AGR3: variants seen among roughly 807,000 people sequenced by gnomAD.
AGR3 encodes the protein anterior gradient protein 3.
A neutral mutation model predicts 24.5 loss-of-function variants in AGR3; 37 were observed. The ratio of observed to expected loss-of-function variants is 1.51; its 90% CI spans 1.16 to 1.99. AGR3 has a LOEUF of 1.99. AGR3 is among the 30% of genes most tolerant of loss of function. The probability of loss-of-function intolerance (pLI) is 0.00; values close to 1 mark genes in which losing one functional copy is unlikely to be tolerated. For missense variants in AGR3, 228 were observed against 191.1 expected (o/e 1.19, Z -1.14); for synonymous variants, 75 against 61.6 (o/e 1.22, Z -1.02).
chr7:16,864,009 C>T lies in AGR3; in HGVS notation c.174-1347G>A, dbSNP rs138944968. Among the ~76,000 whole-genome samples the T allele has an allele frequency of 2.0e-5, 3 of 152,308 alleles. No individual in the cohort carries two copies. The East Asian group carries it at 5.8e-4, about 29-fold the overall frequency. On this transcript the variant is annotated intron_variant, in intron 3 of 7. Coordinates refer to ENST00000310398, the MANE Select transcript of AGR3 (RefSeq NM_176813.5). ...ATAATGTTCAAACACACTTTATACA[C>T]ACTGACCTCTCCTTAAACCACTCAT...
chr7:16,877,286 TTATATATAATATATAG>T (rs1782002790), intron 2 of AGR3, among the ~76,000 whole-genome samples: 1 of 122,604 alleles, frequency 8.2e-6, no homozygotes, highest in Non-Finnish European at 1.9e-5. Flanking sequence ...ATGATATATA[TTATATATAATATATAG>T]TATATATAAT....
downstream of AGR3, among the ~76,000 whole-genome samples, chr7:16,857,625 G>A (rs919124101): frequency 6.6e-6 from 1 of 152,028 alleles, no homozygotes; most frequent in Admixed American, 6.5e-5. Context: ...AAAAGCTCTA[G>A]ACTTTTATCT....
chr7:16,864,559 A>G (rs1243845896), intron 3 of AGR3: 6 of 1,409,128 alleles, frequency 4.3e-6, no homozygotes, highest in African/African-American at 1.4e-5. Flanking sequence ...GAGCCTTCCA[A>G]TATCTTGGAT....
intron 3 of AGR3, chr7:16,873,279 C>G (rs1018245252): frequency 6.6e-6 from 1 of 152,620 alleles, no homozygotes; most frequent in Non-Finnish European, 1.5e-5. Flanking sequence ...TAATGAAATG[C>G]TCTCATTCAC....
chr7:16,873,411 G>C (rs1465048619), intron 3 of AGR3: 1 of 170,786 alleles, frequency 5.9e-6, no homozygotes, highest in African/African-American at 2.4e-5. Flanking sequence ...TAGAAGTAGA[G>C]AGTAGAACTC....
intron 3 of AGR3, among the ~76,000 whole-genome samples, chr7:16,870,248 A>AAT (rs1336244121): frequency 1.3e-5 from 2 of 151,942 alleles, no homozygotes; most frequent in Non-Finnish European, 2.9e-5. Flanking sequence ...TCAATTTTTA[A>AAT]ATATCAATTT....
At chr7:16,870,516 TG>T (rs2115308625) in intron 3 of AGR3, among the ~76,000 whole-genome samples, 2 of 152,204 alleles carry the variant, frequency 1.3e-5, no homozygotes, top group South Asian at 4.2e-4. Context: ...GTTGGTTTTT[TG>T]TTGTTGTTGC....
At chr7:16,861,643 G>A (rs965904755) in intron 5 of AGR3, among the ~76,000 whole-genome samples, 196 bp from the exon 6 acceptor site, 14 of 152,190 alleles carry the variant, frequency 9.2e-5, no homozygotes, top group South Asian at 2.1e-4. Context: ...GCTCATGCCT[G>A]TAATCCCAGC....
At chr7:16,867,129 T>A (rs1444434804) in intron 3 of AGR3, among the ~76,000 whole-genome samples, 1 of 152,164 alleles carries the variant, frequency 6.6e-6, no homozygotes, top group East Asian at 1.9e-4. Context: ...GAAATAAAAT[T>A]TTGCAGTGGT....
At chr7:16,865,754 T>G in intron 3 of AGR3, 1 of 754,738 alleles carries the variant, frequency 1.3e-6, no homozygotes, top group South Asian at 1.4e-5. Context: ...GGGAAACATA[T>G]GGAAGCTTGA....
chr7:16,866,459 A>G (rs758454666), intron 3 of AGR3, among the ~76,000 whole-genome samples: 1 of 152,166 alleles, frequency 6.6e-6, no homozygotes, highest in Non-Finnish European at 1.5e-5. Flanking sequence ...GATTTTGCAC[A>G]TAGGTGGGTA....
chr7:16,873,404 A>C (rs935681221), intron 3 of AGR3: 3 of 165,088 alleles, frequency 1.8e-5, no homozygotes, highest in Non-Finnish European at 2.6e-5. Flanking sequence ...GTACTAATAG[A>C]AGTAGAGAGT....
At chr7:16,867,178 AT>A (rs1781774573) in intron 3 of AGR3, among the ~76,000 whole-genome samples, 1 of 152,136 alleles carries the variant, frequency 6.6e-6, no homozygotes, top group African/African-American at 2.4e-5. Context: ...TCATAATTAT[AT>A]CTTTCTAATT....
intron 3 of AGR3, chr7:16,865,616 T>C (rs1224850392): frequency 1.3e-6 from 1 of 743,718 alleles, no homozygotes; most frequent in African/African-American, 1.7e-5. Flanking sequence ...CCCTATAAAC[T>C]GGTTAGGTAA....
chr7:16,876,894 G>C (rs1781995282), intron 2 of AGR3, among the ~76,000 whole-genome samples: 1 of 152,286 alleles, frequency 6.6e-6, no homozygotes, highest in African/African-American at 2.4e-5. Context: ...GCTTAATGCA[G>C]ACATGGAAAA....
At chr7:16,873,995 A>G (rs975095652) in intron 2 of AGR3, 152 bp from the exon 3 acceptor site, 1 of 637,884 alleles carries the variant, frequency 1.6e-6, no homozygotes. Context: ...CAATTTTCAC[A>G]AGATATGGAG....
chr7:16,878,711 G>C, intron 1 of AGR3, 66 bp from the exon 2 acceptor site: 1 of 1,253,632 alleles, frequency 8.0e-7, no homozygotes, highest in Non-Finnish European at 1.1e-6. Context: ...GAAGATATTT[G>C]CTAAGAGTTG....
chr7:16,864,096 A>G (rs905928861), intron 3 of AGR3, among the ~76,000 whole-genome samples: 17 of 152,192 alleles, frequency 1.1e-4, no homozygotes, highest in African/African-American at 2.9e-4. Flanking sequence ...TCTTCTATTT[A>G]CTTCAAGGTG....
Position 16,871,960 on chromosome 7 carries a change from C to T in AGR3, c.173+1820G>A, listed in dbSNP as rs115886932. Reference sequence around the variant, plus strand: ...TTGATGAAAGAAATTGAAGAGAACACCAAAAAATGGAAAGACATCCCATGC... The same window carrying T: ...TTGATGAAAGAAATTGAAGAGAACATCAAAAAATGGAAAGACATCCCATGC... On this transcript the variant is annotated intron_variant, in intron 3 of 7. Transcript: ENST00000310398. Among the ~76,000 whole-genome samples the T allele has an allele frequency of 7.3e-3, 1,115 of 152,114 alleles. 16 individuals carry two copies. The highest frequency in any genetic ancestry group is 0.025 in the African/African-American group (1,035 of 41,510).
Sources: gnomAD v4.1 joint callset for allele counts (sites outside exome capture counted in the v4.1 genomes callset) on GRCh38, gnomAD v4.1.1 for gene constraint, MANE v1.5 for transcripts, NCBI Gene and HGNC (gene_info 2026-07-23, HGNC 2026-07-21) for gene names.